The following TPRG1 variants were observed in gnomAD, a reference collection of about 807,000 sequenced individuals.
TPRG1 encodes tumor protein p63-regulated gene 1 protein.
Under a neutral mutation model 29.3 loss-of-function variants are expected in TPRG1, and 29 were observed. The observed-to-expected ratio is 0.99, with a 90% CI of 0.74 to 1.35. The LOEUF is 1.35. TPRG1 is among the 40% of genes most tolerant of loss of function. The pLI is 0.00. For synonymous variants in TPRG1, 130 were observed against 116.8 expected (o/e 1.11, Z -0.73); for missense variants, 327 against 335.0 (o/e 0.98, Z 0.19).
At chr3:189,000,719 G>A (rs1345338157) in intron 1 of TPRG1, 1 of 151,056 alleles carries the variant, frequency 6.6e-6, no homozygotes, top group Non-Finnish European at 1.5e-5. Flanking sequence ...CATTATGTAT[G>A]TTCATGTGCA....
intron 4 of TPRG1, among the ~76,000 whole-genome samples, chr3:189,062,279 A>G (rs1716164419): frequency 6.6e-6 from 1 of 152,086 alleles, no homozygotes. Flanking sequence ...GATACTGGGG[A>G]CTACTTGAGG....
At chr3:189,318,608 T>G (rs1372604152) in intron 5 of TPRG1, among the ~76,000 whole-genome samples, 1 of 152,160 alleles carries the variant, frequency 6.6e-6, no homozygotes, top group Non-Finnish European at 1.5e-5. Context: ...AGCTCTGATG[T>G]GATTGAAGAG....
chr3:189,014,982 A>G (rs1368435872), intron 3 of TPRG1, among the ~76,000 whole-genome samples: 1 of 152,208 alleles, frequency 6.6e-6, no homozygotes, highest in Non-Finnish European at 1.5e-5. Flanking sequence ...CTGGTTAGCA[A>G]GTAGAGGTTG....
At chr3:189,201,006 C>T (rs1733389271) in intron 1 of TPRG1, among the ~76,000 whole-genome samples, 3 of 152,280 alleles carry the variant, frequency 2.0e-5, no homozygotes, top group South Asian at 4.1e-4. Context: ...TTTCATTTCT[C>T]CCATCACATG....
chr3:189,172,755 G>A (rs1364667740), intron 1 of TPRG1, among the ~76,000 whole-genome samples: 6 of 152,308 alleles, frequency 3.9e-5, no homozygotes, highest in Admixed American at 2.0e-4. Context: ...GTAAAGGGGA[G>A]TTGTAAACTG....
At chr3:189,185,809 T>A (rs930327838) in intron 1 of TPRG1, among the ~76,000 whole-genome samples, 1 of 152,310 alleles carries the variant, frequency 6.6e-6, no homozygotes, top group East Asian at 1.9e-4. Flanking sequence ...CTAACATTTT[T>A]CTTTGCTTAT....
At chr3:189,081,955 G>C (rs1170889767) in intron 4 of TPRG1, among the ~76,000 whole-genome samples, 1 of 152,220 alleles carries the variant, frequency 6.6e-6, no homozygotes, top group Admixed American at 6.5e-5. Flanking sequence ...CATCAAAAGA[G>C]ATTCTAGACG....
intron 4 of TPRG1, among the ~76,000 whole-genome samples, chr3:189,248,847 A>AT (rs201626012): frequency 0.014 from 2,143 of 150,366 alleles, 23 homozygotes; most frequent in Non-Finnish European, 0.021. Context: ...TAAATTGCCA[A>AT]TTTTTTTTTA....
At chr3:189,228,539 T>A (rs1007794678) in intron 3 of TPRG1, among the ~76,000 whole-genome samples, 2 of 152,126 alleles carry the variant, frequency 1.3e-5, no homozygotes, top group Non-Finnish European at 2.9e-5. Context: ...TCATATCAAC[T>A]GATGCAGAGA....
intron 5 of TPRG1, among the ~76,000 whole-genome samples, chr3:189,152,841 T>C (rs1231175679): frequency 1.3e-5 from 2 of 151,120 alleles, no homozygotes; most frequent in African/African-American, 4.9e-5. Context: ...TACCTGCCAT[T>C]ATTATTAAAA....
intron 3 of TPRG1, among the ~76,000 whole-genome samples, chr3:189,134,435 CAG>C (rs1221679937): frequency 1.8e-5 from 2 of 111,446 alleles, no homozygotes; most frequent in African/African-American, 6.7e-5. Context: ...TTTTTTGAGA[CAG>C]AGCCTCTCTT....
chr3:189,200,608 G>A (rs1277173883), intron 1 of TPRG1, among the ~76,000 whole-genome samples: 1 of 152,160 alleles, frequency 6.6e-6, no homozygotes, highest in Non-Finnish European at 1.5e-5. Context: ...TATCCCATCT[G>A]CAACAGAGTC....
chr3:189,239,904 G>A (rs966353862), intron 4 of TPRG1, among the ~76,000 whole-genome samples: 5 of 152,234 alleles, frequency 3.3e-5, no homozygotes, highest in African/African-American at 1.2e-4. Context: ...AGTCTTCGAG[G>A]CATCTGCCTT....
Position 189,246,673 on chromosome 3 carries a change from T to A in TPRG1, c.479+7764T>A, listed in dbSNP as rs370159587. Among the ~76,000 whole-genome samples, 104 of 152,326 alleles carry A rather than the reference T, an allele frequency of 6.8e-4. No individual in the cohort carries two copies. In the East Asian group the frequency reaches 0.01, roughly 15 times the overall value. On this transcript the variant is annotated intron_variant, in intron 4 of 5. Coordinates refer to ENST00000345063, the MANE Select transcript of TPRG1 (RefSeq NM_198485.4). The stretch of plus-strand genomic sequence containing the variant: ...CATTTTAGCATTTCTTGTAGTATAA[T>A]CTAGTGGTGATACATTCTCCTAGTT...
At chr3:189,106,479 C>T (rs1486682716) in intron 1 of TPRG1, among the ~76,000 whole-genome samples, 1 of 152,184 alleles carries the variant, frequency 6.6e-6, no homozygotes, top group African/African-American at 2.4e-5. Flanking sequence ...GGCAAATATA[C>T]AAATTTTAAT....
chr3:189,280,195 G>C lies in TPRG1; in HGVS notation c.480-30191G>C, dbSNP rs1372263379. Among the ~76,000 whole-genome samples the C allele has an allele frequency of 2.0e-5, 3 of 152,064 alleles. No homozygotes were observed. In the East Asian group the frequency reaches 5.8e-4, roughly 29 times the overall value. On this transcript the variant is annotated intron_variant, in intron 4 of 5. Transcript: ENST00000345063. ...CTAGCACCATAGTGGTTAGTGAAGA[G>C]TGTAGAGTGAAAGCAGCCACGGGCA...
At chr3:189,272,277 G>A (rs1383432629) in intron 4 of TPRG1, among the ~76,000 whole-genome samples, 2 of 152,066 alleles carry the variant, frequency 1.3e-5, no homozygotes, top group Non-Finnish European at 2.9e-5. Context: ...ATATTATAGT[G>A]GGCTTCACAG....
At chr3:189,025,994 C>T (rs1713641165) in intron 4 of TPRG1, among the ~76,000 whole-genome samples, 1 of 152,142 alleles carries the variant, frequency 6.6e-6, no homozygotes, top group African/African-American at 2.4e-5. Flanking sequence ...TAGTGCATCA[C>T]CAAAATTTAT....
chr3:189,267,234 C>T (rs1714262393), intron 4 of TPRG1, among the ~76,000 whole-genome samples: 1 of 152,060 alleles, frequency 6.6e-6, no homozygotes, highest in African/African-American at 2.4e-5. Context: ...TACCATATAG[C>T]CTAGGTTTGT....
Sources: allele counts gnomAD v4.1 joint callset (sites outside exome capture counted in the v4.1 genomes callset), GRCh38; gene constraint gnomAD v4.1.1; transcripts MANE v1.5; gene names NCBI Gene and HGNC (gene_info 2026-07-23, HGNC 2026-07-21).